The following KCNH1 variants were observed in gnomAD, a reference collection of about 807,000 sequenced individuals.
KCNH1 encodes the protein voltage-gated delayed rectifier potassium channel KCNH1.
Under a neutral mutation model 69.2 loss-of-function variants are expected in KCNH1, and 27 were observed. The observed-to-expected ratio is 0.39, with a 90% CI of 0.29 to 0.54. KCNH1 has a LOEUF of 0.54. KCNH1 is among the 20% of genes least tolerant of loss of function. The pLI, the probability that KCNH1 is intolerant of heterozygous loss-of-function variation, is 0.68. For synonymous variants in KCNH1, 456 were observed against 487.7 expected, an observed-to-expected ratio of 0.93 and a Z score of 0.86; for missense variants, 798 against 1,261.6, an observed-to-expected ratio of 0.63 and a Z score of 5.57.
At chr1:211,087,611 A>ACACACACACACACACACACACACACG (rs1558599075) in intron 4 of KCNH1, among the ~76,000 whole-genome samples, 81 of 59,442 alleles carry the variant, frequency 1.4e-3, no homozygotes, top group African/African-American at 4.1e-3. Context: ...AAGCATACAC[A>ACACACACACACACACACACACACACG]CACACACACA....
chr1:210,723,352 C>T (rs1330695069), intron 10 of KCNH1, among the ~76,000 whole-genome samples: 1 of 151,930 alleles, frequency 6.6e-6, no homozygotes, highest in African/African-American at 2.4e-5. Context: ...CAGTCATAGG[C>T]ATCCATGGAG....
At chr1:211,101,729 G>T (rs1691261275) in intron 3 of KCNH1, among the ~76,000 whole-genome samples, 1 of 152,180 alleles carries the variant, frequency 6.6e-6, no homozygotes, top group South Asian at 2.1e-4. Context: ...GCAAACACTG[G>T]AAACTAATCC....
At chr1:210,906,881 A>G (rs1279288764) in intron 7 of KCNH1, among the ~76,000 whole-genome samples, 1 of 152,228 alleles carries the variant, frequency 6.6e-6, no homozygotes, top group Non-Finnish European at 1.5e-5. Flanking sequence ...AAATTCATGG[A>G]TAGCTGGAGG....
chr1:210,919,707 G>A lies in KCNH1; in HGVS notation c.1395C>T (p.Gly465=). Residue 465 remains glycine, a synonymous_variant, in exon 7 of 11, where the codon GGC becomes GGT. Coordinates refer to ENST00000271751, the MANE Select transcript of KCNH1 (RefSeq NM_172362.3). The surrounding 1 kb of genome is among the most constrained non-coding windows in gnomAD (Gnocchi z 4.2). ...CTGTGGATGGGGCGATGTTCCCAAA[G>A]CCCACACTGGTGAGGCTGGTCATTG... The part of the protein sequence containing the change: ...YFTMTSLTSV[G]FGNIAPSTDI... 1 of 1,614,124 alleles carries A rather than the reference G, an allele frequency of 6.2e-7. No individual in the cohort carries two copies. The highest frequency in any genetic ancestry group is 8.5e-7 in the Non-Finnish European group (1 of 1,180,006).
In KCNH1 at chr1:210,808,218, G is replaced by A. The variant is rs377522301; in HGVS notation, c.1463-4052C>T. Among the ~76,000 whole-genome samples, 13 of 152,300 alleles carry A rather than the reference G, an allele frequency of 8.5e-5. No homozygotes were observed. In the East Asian group the frequency reaches 1.7e-3, roughly 20 times the overall value. On this transcript the variant is annotated intron_variant, in intron 7 of 10. Coordinates refer to ENST00000271751, the MANE Select transcript of KCNH1 (RefSeq NM_172362.3). ...TGTTTTCTGATTCACAATGAACCAG[G>A]AGTCACAGGAAAAGAGTAGATGTGC...
At chr1:210,986,468 G>A (rs1036069252) in intron 6 of KCNH1, among the ~76,000 whole-genome samples, 1 of 152,100 alleles carries the variant, frequency 6.6e-6, no homozygotes, top group Non-Finnish European at 1.5e-5. Context: ...AGCTCTTTTA[G>A]GGCAGGCCTG....
At chr1:211,018,075 T>C (rs1005760441) in intron 6 of KCNH1, among the ~76,000 whole-genome samples, 4 of 152,110 alleles carry the variant, frequency 2.6e-5, no homozygotes, top group Non-Finnish European at 4.4e-5. Flanking sequence ...CACCATCTGA[T>C]CTCTGGACAA....
chr1:210,908,579 CT>C (rs1687162828), intron 7 of KCNH1, among the ~76,000 whole-genome samples: 2 of 152,154 alleles, frequency 1.3e-5, no homozygotes, highest in Admixed American at 1.3e-4. Flanking sequence ...TGCAGGGCTG[CT>C]GTCAGTATGT....
At chr1:211,021,086 T>C (rs1031562248) in intron 5 of KCNH1, among the ~76,000 whole-genome samples, 2 of 152,078 alleles carry the variant, frequency 1.3e-5, no homozygotes, top group Non-Finnish European at 2.9e-5. Flanking sequence ...TCCTCACTCA[T>C]GAGTGGGGGC....
At chr1:211,041,926 T>C (rs1690003591) in intron 5 of KCNH1, among the ~76,000 whole-genome samples, 1 of 152,140 alleles carries the variant, frequency 6.6e-6, no homozygotes, top group East Asian at 1.9e-4. Flanking sequence ...AGCTAATTTT[T>C]GTATTTTTGG....
At chr1:210,917,221 G>A (rs12562320) in intron 7 of KCNH1, among the ~76,000 whole-genome samples, 39 of 110,102 alleles carry the variant, frequency 3.5e-4, no homozygotes, top group Admixed American at 5.0e-4. Flanking sequence ...GAGAGAGAGA[G>A]AGAGAGAGAG....
intron 2 of KCNH1, among the ~76,000 whole-genome samples, chr1:211,104,808 A>C (rs1329179758): frequency 6.6e-6 from 1 of 152,194 alleles, no homozygotes; most frequent in East Asian, 1.9e-4. Context: ...CCTAAATGTC[A>C]CTGTAAAGTA....
intron 10 of KCNH1, among the ~76,000 whole-genome samples, chr1:210,725,977 G>T (rs1682580441): frequency 6.6e-6 from 1 of 152,130 alleles, no homozygotes. Context: ...GTGCCTATCT[G>T]AGCCACAAGC....
Position 210,683,475 on chromosome 1 carries a change from C to G in KCNH1, c.2776G>C (p.Val926Leu). The G allele has an allele frequency of 6.2e-7, 1 of 1,614,200 alleles. No homozygotes were observed. Among genetic ancestry groups the G allele is most frequent in the South Asian group, 1.1e-5 (1 of 91,076 alleles). ...PIPEQTLQATVLEVRHELKED... is the reference protein window; with the variant it reads ...PIPEQTLQATLLEVRHELKED... ...TTCAGCTCGTGCCTCACCTCCAGGA[C>G]TGTGGCCTGCAGCGTCTGCTCAGGG... Residue 926 changes from valine (V) to leucine (L), a missense_variant, in exon 11 of 11, where the codon GTC (valine) becomes CTC (leucine). Physicochemically the swap from Val to Leu is conservative, Grantham distance 32 (BLOSUM62 1). Transcript: ENST00000271751. This position sits in a 1 kb window ranked among gnomAD's most constrained non-coding sequence, Gnocchi z 5.7.
intron 8 of KCNH1, among the ~76,000 whole-genome samples, chr1:210,803,729 C>G (rs1302342877): frequency 1.3e-5 from 2 of 152,194 alleles, no homozygotes; most frequent in Non-Finnish European, 2.9e-5. Context: ...TCCAGCTCCT[C>G]TCTTCTCCAG....
intron 7 of KCNH1, among the ~76,000 whole-genome samples, chr1:210,851,734 G>A (rs1002138286): frequency 6.6e-6 from 1 of 152,152 alleles, no homozygotes; most frequent in East Asian, 1.9e-4. Context: ...CCTTGTTACT[G>A]TACTAAATGC....
chr1:210,781,378 T>C (rs1204690732), intron 9 of KCNH1, among the ~76,000 whole-genome samples: 1 of 152,060 alleles, frequency 6.6e-6, no homozygotes. Flanking sequence ...CCCACTGCCT[T>C]TATTCCTCTT....
intron 7 of KCNH1, among the ~76,000 whole-genome samples, chr1:210,873,555 T>G (rs376196796): frequency 7.9e-5 from 12 of 151,940 alleles, no homozygotes; most frequent in African/African-American, 2.9e-4. Flanking sequence ...GGTCTCACTG[T>G]GTTTGCCAGG....
In KCNH1 at chr1:210,801,940, A is replaced by G. The variant is rs534767309; in HGVS notation, c.1662+2027T>C. Among the ~76,000 whole-genome samples the G allele has an allele frequency of 3.3e-5, 5 of 152,336 alleles. No homozygotes were observed. In the South Asian group the frequency reaches 8.3e-4, roughly 25 times the overall value. On this transcript the variant is annotated intron_variant, in intron 8 of 10. Transcript: ENST00000271751. ...GTTTTAAATTTTTTTAAGTAATAGTAGGAAAAGCACAGGCTTTGAAGTCAG... is the reference window on the plus strand; with the variant it reads ...GTTTTAAATTTTTTTAAGTAATAGTGGGAAAAGCACAGGCTTTGAAGTCAG...
Sources: gnomAD v4.1 joint callset for allele counts (sites outside exome capture counted in the v4.1 genomes callset) on GRCh38, gnomAD v4.1.1 for gene constraint, Gnocchi (gnomAD v3.1) non-coding constraint, MANE v1.5 for transcripts, NCBI Gene and HGNC (gene_info 2026-07-23, HGNC 2026-07-21) for gene names.